PCDHA1: variants seen among roughly 807,000 people sequenced by gnomAD.
PCDHA1 encodes the protein protocadherin alpha-1.
In PCDHA1, 42 loss-of-function variants were observed where a neutral mutation model predicts 61.3. That is an observed-to-expected ratio of 0.69 (90% confidence interval 0.54 to 0.89). The LOEUF is 0.89. Among genes scored for constraint, PCDHA1 ranks in the 40% least tolerant of loss-of-function variants. The probability of loss-of-function intolerance (pLI) is 0.00; values close to 1 mark genes in which losing one functional copy is unlikely to be tolerated. For synonymous variants in PCDHA1, 610 were observed against 553.8 expected (o/e 1.10, Z -1.43); for missense variants, 1,256 against 1,235.3 (o/e 1.02, Z -0.25).
intron 1 of PCDHA1, chr5:140,870,354 G>T: frequency 6.2e-7 from 1 of 1,614,226 alleles, no homozygotes; most frequent in Non-Finnish European, 8.5e-7. Context: ...GCGAGAACGT[G>T]TGGGCCTATG....
At position 140,967,913 on chromosome 5, in the gene PCDHA1, A is replaced by G. The variant is rs548732358; in HGVS notation, c.2395-11036A>G. 3.7e-6 allele frequency: 6 copies of G among 1,614,184 alleles called. No homozygotes were observed. The highest frequency in any genetic ancestry group is 1.3e-5 in the African/African-American group (1 of 75,042). ...GCCTGAGAATGCTACACCCAACACC[A>G]TTGTGGCCGTTCTCAGTGTCAATGA... On this transcript the variant is annotated intron_variant, in intron 1 of 3. Transcript: ENST00000504120.
chr5:140,893,135 T>C (rs1405005785), intron 1 of PCDHA1, among the ~76,000 whole-genome samples: 1 of 152,252 alleles, frequency 6.6e-6, no homozygotes, highest in Non-Finnish European at 1.5e-5. Flanking sequence ...ATTTTCTTTA[T>C]CCACTCATCT....
At chr5:140,829,831 G>T in intron 1 of PCDHA1, 2 of 1,613,918 alleles carry the variant, frequency 1.2e-6, no homozygotes, top group East Asian at 2.2e-5. Context: ...TGAGCGAGCT[G>T]GTGCCGCGGT....
At position 140,788,076 on chromosome 5, in the gene PCDHA1, G is replaced by A; in HGVS notation, c.1786G>A (p.Ala596Thr). The A allele has an allele frequency of 1.2e-6, 2 of 1,614,016 alleles. No homozygotes were observed. The highest frequency in any genetic ancestry group is 1.1e-5 in the South Asian group (1 of 91,080). The change falls in exon 1 of 4, where the codon GCA becomes ACA. Residue 596 changes from alanine (A) to threonine (T), a missense_variant. Coordinates refer to ENST00000504120, the MANE Select transcript of PCDHA1 (RefSeq NM_018900.4). Reference sequence around the variant, plus strand: ...GGGTCATGTGGTGGCGAAGGTGCGCGCAGTGGACGCCGACTCGGGCTACAA... The same window carrying A: ...GGGTCATGTGGTGGCGAAGGTGCGCACAGTGGACGCCGACTCGGGCTACAA... The part of the protein sequence containing the change: ...GAGHVVAKVR[A>T]VDADSGYNAW...
intron 1 of PCDHA1, chr5:140,852,259 C>A: frequency 2.0e-6 from 1 of 509,052 alleles, no homozygotes; most frequent in Non-Finnish European, 2.6e-6. Flanking sequence ...TTGGAATATG[C>A]TACAATATTA....
intron 1 of PCDHA1, chr5:140,966,963 G>C: frequency 6.2e-7 from 1 of 1,602,992 alleles, no homozygotes; most frequent in Non-Finnish European, 8.5e-7. Context: ...CGCGCGCTGG[G>C]GCTTGAGCTG....
chr5:140,983,329 A>G (rs1359569826), intron 3 of PCDHA1, among the ~76,000 whole-genome samples: 8 of 152,228 alleles, frequency 5.3e-5, no homozygotes, highest in Admixed American at 6.5e-5. Flanking sequence ...TTCTTGCCCT[A>G]TCACTAAAGC....
chr5:140,845,374 T>C (rs1368895191), intron 1 of PCDHA1, among the ~76,000 whole-genome samples: 1 of 149,664 alleles, frequency 6.7e-6, no homozygotes, highest in Non-Finnish European at 1.5e-5. Flanking sequence ...ATATCATAAA[T>C]AGGAGGATTC....
At position 140,882,068 on chromosome 5, in the gene PCDHA1, C is replaced by A. The variant is rs1219461637; in HGVS notation, c.2394+93384C>A. 8.4e-6 allele frequency: 7 copies of A among 837,710 alleles called. No homozygotes were observed. The East Asian group carries it at 1.9e-4, about 22-fold the overall frequency. The allele number at this position is 837,710 out of a possible 1,614,324, so 51.9% of individuals were successfully genotyped here. On this transcript the variant is annotated intron_variant, in intron 1 of 3. Coordinates refer to ENST00000504120, the MANE Select transcript of PCDHA1 (RefSeq NM_018900.4). ...TCATACTTACACTTACACGTTCATG[C>A]GCATGGTGTCGCTCTTCACTGAGAA...
chr5:140,945,654 AT>A (rs1230046600), intron 1 of PCDHA1, among the ~76,000 whole-genome samples: 5 of 152,294 alleles, frequency 3.3e-5, no homozygotes, highest in Admixed American at 3.3e-4. Flanking sequence ...ATGGAGCAGA[AT>A]ACAGCTCCCA....
rs1554124756 is a variant in PCDHA1 at position 140,808,750 on chromosome 5, G to A, written c.2394+20066G>A. On this transcript the variant is annotated intron_variant, in intron 1 of 3. Coordinates refer to ENST00000504120, the MANE Select transcript of PCDHA1 (RefSeq NM_018900.4). ...AGAGCGGCAAGGTGTACGCGCTGCAGCCGCTGGACCACGAGGAGCTAGAGC... is the reference window on the plus strand; with the variant it reads ...AGAGCGGCAAGGTGTACGCGCTGCAACCGCTGGACCACGAGGAGCTAGAGC... 13 of 1,612,220 alleles carry A rather than the reference G, an allele frequency of 8.1e-6. 1 individual carries two copies. Among genetic ancestry groups the A allele is most frequent in the Non-Finnish European group, 1.1e-5 (13 of 1,179,814 alleles).
intron 1 of PCDHA1, among the ~76,000 whole-genome samples, chr5:140,923,018 T>G (rs1353684633): frequency 6.6e-6 from 1 of 152,224 alleles, no homozygotes; most frequent in African/African-American, 2.4e-5. Flanking sequence ...GACTGCAGTT[T>G]CGGACTCTAT....
chr5:140,792,561 G>T (rs868916163), intron 1 of PCDHA1, among the ~76,000 whole-genome samples: 5 of 152,108 alleles, frequency 3.3e-5, no homozygotes, highest in Non-Finnish European at 5.9e-5. Context: ...TCTATCTCCG[G>T]GGGAAGGGGG....
At chr5:140,822,785 T>C in intron 1 of PCDHA1, 1 of 1,614,074 alleles carries the variant, frequency 6.2e-7, no homozygotes, top group Non-Finnish European at 8.5e-7. Context: ...AAAGTAGTAG[T>C]GAAACTCCTG....
intron 1 of PCDHA1, among the ~76,000 whole-genome samples, chr5:140,798,031 A>T (rs532072029): frequency 6.6e-6 from 1 of 151,744 alleles, no homozygotes; most frequent in Non-Finnish European, 1.5e-5. Flanking sequence ...TTCTTTTTTA[A>T]ATTTTTTATT....
At chr5:140,968,460 C>T (rs1554230749) in intron 1 of PCDHA1, 3 of 1,613,978 alleles carry the variant, frequency 1.9e-6, no homozygotes, top group Non-Finnish European at 2.5e-6. Context: ...ACTGTGACTG[C>T]CAACGTATAT....
At chr5:140,980,358 G>A (rs143597147) in intron 2 of PCDHA1, among the ~76,000 whole-genome samples, 260 of 152,274 alleles carry the variant, frequency 1.7e-3, no homozygotes, top group South Asian at 0.014. Context: ...TGGACTGGGC[G>A]CGGTGGCTCA....
At chr5:140,988,043 A>G (rs2153870251) in intron 3 of PCDHA1, among the ~76,000 whole-genome samples, 1 of 152,336 alleles carries the variant, frequency 6.6e-6, no homozygotes, top group Non-Finnish European at 1.5e-5. Context: ...GAATCTGTTT[A>G]GGAGCACTGT....
chr5:140,835,433 G>A lies in PCDHA1; in HGVS notation c.2394+46749G>A, dbSNP rs2150235637. 11 of 1,613,904 alleles carry A rather than the reference G, an allele frequency of 6.8e-6. 1 individual carries two copies. The South Asian group carries it at 1.2e-4, about 18-fold the overall frequency. ...ATGTAAATGACAATGCTCCACAGTTGACTCTCACTTCCCTGTCTCTCCCTA... is the reference window on the plus strand; with the variant it reads ...ATGTAAATGACAATGCTCCACAGTTAACTCTCACTTCCCTGTCTCTCCCTA... On this transcript the variant is annotated intron_variant, in intron 1 of 3. Coordinates refer to ENST00000504120, the MANE Select transcript of PCDHA1 (RefSeq NM_018900.4).
Sources: allele counts gnomAD v4.1 joint callset (sites outside exome capture counted in the v4.1 genomes callset), GRCh38; gene constraint gnomAD v4.1.1; transcripts MANE v1.5; gene names NCBI Gene and HGNC (gene_info 2026-07-23, HGNC 2026-07-21).